Variants in CLEC16A observed in about 807,000 individuals in gnomAD.
CLEC16A encodes the protein protein CLEC16A.
Under a neutral mutation model 109.5 loss-of-function variants are expected in CLEC16A, and 51 were observed. That is an observed-to-expected ratio of 0.47 (90% CI 0.37 to 0.59). The LOEUF (loss-of-function observed/expected upper bound fraction) is 0.59. Ranked by LOEUF, CLEC16A falls within the 20% of genes least tolerant of loss-of-function variation. CLEC16A has a pLI of 0.00. For synonymous variants in CLEC16A, 673 were observed against 564.2 expected (o/e 1.19, Z -2.73); for missense variants, 1,339 against 1,394.0 (o/e 0.96, Z 0.63).
intron 13 of CLEC16A, among the ~76,000 whole-genome samples, chr16:11,031,468 C>T (rs2046740147): frequency 6.6e-6 from 1 of 152,216 alleles, no homozygotes. Flanking sequence ...CCTGTGTTCC[C>T]GCCTGGGCAT....
chr16:10,995,982 C>G (rs1264302014), intron 10 of CLEC16A, among the ~76,000 whole-genome samples: 1 of 152,120 alleles, frequency 6.6e-6, no homozygotes, highest in African/African-American at 2.4e-5. Flanking sequence ...GAATCTCAGG[C>G]CCTGGAATCT....
intron 19 of CLEC16A, among the ~76,000 whole-genome samples, chr16:11,114,878 T>A (rs1036631483): frequency 4.6e-5 from 7 of 152,334 alleles, no homozygotes; most frequent in African/African-American, 1.7e-4. Flanking sequence ...CCCCACAGCC[T>A]CTGAAAAGCG....
At chr16:11,169,376 T>G (rs1330534285) in intron 23 of CLEC16A, among the ~76,000 whole-genome samples, 1 of 152,130 alleles carries the variant, frequency 6.6e-6, no homozygotes, top group Non-Finnish European at 1.5e-5. Flanking sequence ...AACCTCCACC[T>G]CCCAGATTCA....
chr16:11,165,705 A>G (rs1417928377), intron 22 of CLEC16A, among the ~76,000 whole-genome samples: 2 of 152,058 alleles, frequency 1.3e-5, no homozygotes, highest in African/African-American at 4.8e-5. Context: ...CCCAGGTCTG[A>G]GTGTCTCCAA....
intron 19 of CLEC16A, among the ~76,000 whole-genome samples, chr16:11,110,615 G>T (rs2051521627): frequency 6.6e-6 from 1 of 152,104 alleles, no homozygotes; most frequent in Non-Finnish European, 1.5e-5. Flanking sequence ...GAAATGTCAT[G>T]GCACTTCCGA....
rs903574631 is a variant in CLEC16A, at chr16:10,954,430, G to A, written c.81-3352G>A. ...GTAGTTACTAGGTCTTTTTCCCCCA[G>A]AAATTATTTAATAAGGGCAACAATA... On this transcript the variant is annotated intron_variant, in intron 1 of 23. Transcript: ENST00000409790. This position sits in a 1 kb window ranked among gnomAD's most constrained non-coding sequence, Gnocchi z 4.2. Among the ~76,000 whole-genome samples, 2 of 152,156 alleles carry A rather than the reference G, an allele frequency of 1.3e-5. No individual in the cohort carries two copies. Among genetic ancestry groups the A allele is most frequent in the African/African-American group, 4.8e-5 (2 of 41,432 alleles).
rs1406065968 is a variant in CLEC16A at position 11,174,770 on chromosome 16, A to AG, written c.2807-3565_2807-3564insG. ...AGTCTTGATCTAAGATAAGTGGCAA[A>AG]TTCAGTCCTGTTTTGACCGGAAGCC... On this transcript the variant is annotated intron_variant, in intron 23 of 23. Transcript: ENST00000409790. This position sits in a 1 kb window ranked among gnomAD's most constrained non-coding sequence, Gnocchi z 4.7. 2.6e-5 allele frequency among the ~76,000 whole-genome samples: 4 copies of AG among 152,176 alleles called. No individual in the cohort carries two copies. The highest frequency in any genetic ancestry group is 5.9e-5 in the Non-Finnish European group (4 of 68,028).
intron 10 of CLEC16A, among the ~76,000 whole-genome samples, chr16:10,983,720 C>A (rs917394882): frequency 2.6e-5 from 4 of 152,108 alleles, no homozygotes; most frequent in Non-Finnish European, 4.4e-5. Flanking sequence ...GCTCACATGT[C>A]CTGAGCTCCA....
rs1001458496 is a variant in CLEC16A, at chr16:11,160,325, C to G, written c.2642-6063C>G. ...AAGCCCTTCCCACCCTTTAGTCTCT[C>G]TCGGGCCTCGCTCTTTCTGGGTCTT... is the stretch of plus-strand genomic sequence containing the variant. On this transcript the variant is annotated intron_variant, in intron 22 of 23. Coordinates refer to ENST00000409790, the MANE Select transcript of CLEC16A (RefSeq NM_015226.3). 2.6e-5 allele frequency among the ~76,000 whole-genome samples: 4 copies of G among 152,178 alleles called. No homozygotes were observed. The South Asian group carries it at 6.2e-4, about 24-fold the overall frequency.
At chr16:11,074,128 G>A (rs565046464) in intron 19 of CLEC16A, among the ~76,000 whole-genome samples, 2 of 151,702 alleles carry the variant, frequency 1.3e-5, no homozygotes, top group Non-Finnish European at 2.9e-5. Context: ...CTCTCTAAGG[G>A]CTAAAATGCT....
chr16:11,058,599 CTGTA>C (rs1158884384), intron 18 of CLEC16A, among the ~76,000 whole-genome samples: 2 of 151,474 alleles, frequency 1.3e-5, no homozygotes, highest in African/African-American at 4.9e-5. Context: ...AGAGAGCTGA[CTGTA>C]TGTGTATTAT....
chr16:11,008,292 T>G (rs889486368), intron 11 of CLEC16A, among the ~76,000 whole-genome samples: 4 of 152,228 alleles, frequency 2.6e-5, no homozygotes, highest in South Asian at 2.1e-4. Context: ...GAGAAAATCC[T>G]TGAATTTGTG....
chr16:11,177,068 G>T (rs959211245), intron 23 of CLEC16A, among the ~76,000 whole-genome samples: 2 of 152,210 alleles, frequency 1.3e-5, no homozygotes, highest in Admixed American at 6.5e-5. Context: ...GCTGCTGTCA[G>T]ACTCTTAGCT....
intron 13 of CLEC16A, among the ~76,000 whole-genome samples, chr16:11,037,839 T>C (rs894001836): frequency 8.2e-6 from 1 of 121,816 alleles, no homozygotes; most frequent in South Asian, 2.6e-4. Context: ...GGCCAGAAAT[T>C]AACGAGTAGA....
At chr16:11,078,241 G>C (rs764062374) in intron 19 of CLEC16A, among the ~76,000 whole-genome samples, 1 of 152,046 alleles carries the variant, frequency 6.6e-6, no homozygotes, top group Admixed American at 6.6e-5. Flanking sequence ...AAAACAATCT[G>C]TACCCAGACC....
At chr16:11,044,121 A>G (rs8052325) in intron 16 of CLEC16A, 49 bp downstream of exon 16, 220,113 of 1,518,778 alleles carry the variant, frequency 0.14, 21,571 homozygotes, top group African/African-American at 0.51. Flanking sequence ...TATTGTAGAA[A>G]CAGAAGTGTG....
intron 10 of CLEC16A, among the ~76,000 whole-genome samples, chr16:10,999,672 A>G (rs2044546905): frequency 6.6e-6 from 1 of 152,168 alleles, no homozygotes; most frequent in African/African-American, 2.4e-5. Flanking sequence ...ATGCCCTCCC[A>G]CACCAGACAC....
At chr16:11,159,624 G>T (rs1168888602) in intron 22 of CLEC16A, among the ~76,000 whole-genome samples, 2 of 152,364 alleles carry the variant, frequency 1.3e-5, no homozygotes, top group African/African-American at 4.8e-5. Flanking sequence ...TCAGGCAGTT[G>T]TGTCTCCCAT....
At chr16:11,067,189 G>GTTTTTTTTT (rs71406205) in intron 19 of CLEC16A, among the ~76,000 whole-genome samples, 3 of 98,980 alleles carry the variant, frequency 3.0e-5, no homozygotes, top group Admixed American at 1.2e-4. Flanking sequence ...GTTTGTTTTT[G>GTTTTTTTTT]TTTTTTTTTT....
Sources: gnomAD v4.1 joint callset for allele counts (sites outside exome capture counted in the v4.1 genomes callset) on GRCh38, gnomAD v4.1.1 for gene constraint, Gnocchi (gnomAD v3.1) non-coding constraint, MANE v1.5 for transcripts, NCBI Gene and HGNC (gene_info 2026-07-23, HGNC 2026-07-21) for gene names.